Variants in GPC6 observed in about 807,000 individuals in gnomAD.
The protein encoded by GPC6 is glypican-6.
GPC6 carries 14 observed loss-of-function variants against 55.2 expected under a neutral mutation model. The ratio of observed to expected loss-of-function variants is 0.25; its 90% CI spans 0.17 to 0.40. The LOEUF is 0.40. GPC6 is among the 10% of genes least tolerant of loss of function. GPC6 has a pLI of 1.00. For missense variants in GPC6, 641 were observed against 708.5 expected, an observed-to-expected ratio of 0.90 and a Z score of 1.08; for synonymous variants, 278 against 259.6, an observed-to-expected ratio of 1.07 and a Z score of -0.68.
intron 1 of GPC6, among the ~76,000 whole-genome samples, chr13:93,391,307 A>G (rs1308113793): frequency 6.6e-6 from 1 of 152,138 alleles, no homozygotes; most frequent in Non-Finnish European, 1.5e-5. Context: ...TTTTTCAGGG[A>G]CGTAGTAGAG....
intron 3 of GPC6, among the ~76,000 whole-genome samples, chr13:93,916,772 A>T (rs1164012493): frequency 2.6e-5 from 4 of 151,882 alleles, no homozygotes; most frequent in African/African-American, 9.7e-5. Context: ...TTGAAGGATG[A>T]TAAAACTGCA....
chr13:94,105,945 A>C (rs1028607651), intron 4 of GPC6, among the ~76,000 whole-genome samples: 1 of 148,688 alleles, frequency 6.7e-6, no homozygotes, highest in African/African-American at 2.5e-5. Context: ...TTATCCAGCT[A>C]TCCTACATTG....
chr13:93,294,723 G>T (rs1393276227), intron 1 of GPC6, among the ~76,000 whole-genome samples: 1 of 152,068 alleles, frequency 6.6e-6, no homozygotes, highest in Non-Finnish European at 1.5e-5. Context: ...TCTATGTTTT[G>T]TCCTCTTTCA....
intron 4 of GPC6, among the ~76,000 whole-genome samples, chr13:94,165,492 G>A (rs1039612086): frequency 6.6e-6 from 1 of 151,756 alleles, no homozygotes; most frequent in Admixed American, 6.6e-5. Context: ...GGGACTCAGG[G>A]GAAATGGTGG....
chr13:93,716,035 C>T (rs1003020684), intron 2 of GPC6, among the ~76,000 whole-genome samples: 5 of 151,542 alleles, frequency 3.3e-5, no homozygotes, highest in African/African-American at 7.3e-5. Flanking sequence ...CGTATCCCCT[C>T]GTGACTCATA....
At chr13:93,224,588 C>T (rs1013594231), upstream of GPC6, among the ~76,000 whole-genome samples, 6 of 152,204 alleles carry the variant, frequency 3.9e-5, no homozygotes, top group African/African-American at 1.4e-4. Context: ...CATTAGCTGA[C>T]CTTTTTGTCT....
At chr13:94,011,491 T>G (rs1882243210) in intron 3 of GPC6, among the ~76,000 whole-genome samples, 1 of 152,008 alleles carries the variant, frequency 6.6e-6, no homozygotes, top group Admixed American at 6.6e-5. Context: ...CCCTCACCCA[T>G]CCCCAGAACT....
chr13:93,865,597 A>G lies in GPC6; in HGVS notation c.711+35052A>G, dbSNP rs537939278. Reference sequence around the variant, plus strand: ...AGCACAGAAACTGCTACCCTGTGTCATCCTTATTATGCAGCCAGCTTTGCA... The same window carrying G: ...AGCACAGAAACTGCTACCCTGTGTCGTCCTTATTATGCAGCCAGCTTTGCA... On this transcript the variant is annotated intron_variant, in intron 3 of 8. Transcript: ENST00000377047. 1.4e-3 allele frequency among the ~76,000 whole-genome samples: 214 copies of G among 151,810 alleles called. 1 individual carries two copies. Among genetic ancestry groups the G allele is most frequent in the Non-Finnish European group, 1.1e-3 (76 of 67,754 alleles).
intron 7 of GPC6, among the ~76,000 whole-genome samples, chr13:94,392,618 G>A (rs1214324485): frequency 6.6e-6 from 1 of 151,546 alleles, no homozygotes; most frequent in Non-Finnish European, 1.5e-5. Flanking sequence ...TAGTAGAGAT[G>A]GGGTTTCTCC....
intron 3 of GPC6, among the ~76,000 whole-genome samples, chr13:93,936,023 C>T (rs1234204833): frequency 6.6e-6 from 1 of 152,118 alleles, no homozygotes; most frequent in Non-Finnish European, 1.5e-5. Flanking sequence ...GATCAGACAA[C>T]AATGATACAC....
At chr13:93,340,243 C>G (rs909301743) in intron 1 of GPC6, among the ~76,000 whole-genome samples, 7 of 151,878 alleles carry the variant, frequency 4.6e-5, no homozygotes, top group African/African-American at 1.7e-4. Context: ...ACCGTGTTAG[C>G]CAGGTTGGTC....
intron 2 of GPC6, among the ~76,000 whole-genome samples, chr13:93,744,387 T>C (rs1286241293): frequency 6.6e-6 from 1 of 152,104 alleles, no homozygotes; most frequent in Non-Finnish European, 1.5e-5. Flanking sequence ...TCCATCCCCG[T>C]GCATTCCACT....
chr13:93,888,461 T>G (rs996430662), intron 3 of GPC6, among the ~76,000 whole-genome samples: 1 of 152,134 alleles, frequency 6.6e-6, no homozygotes, highest in African/African-American at 2.4e-5. Flanking sequence ...GTCACTTGTG[T>G]CCAGGAGATT....
At chr13:94,091,111 T>C (rs1378097823) in intron 4 of GPC6, among the ~76,000 whole-genome samples, 1 of 152,180 alleles carries the variant, frequency 6.6e-6, no homozygotes, top group African/African-American at 2.4e-5. Flanking sequence ...TTTGCAATGC[T>C]ATGAAATACT....
At chr13:94,083,449 A>C (rs1339087256) in intron 4 of GPC6, among the ~76,000 whole-genome samples, 3 of 152,050 alleles carry the variant, frequency 2.0e-5, no homozygotes, top group Non-Finnish European at 4.4e-5. Flanking sequence ...ACTTATCTCT[A>C]CTTTGCTATA....
At chr13:93,411,960 G>T (rs1018626498) in intron 1 of GPC6, among the ~76,000 whole-genome samples, 1 of 150,900 alleles carries the variant, frequency 6.6e-6, no homozygotes, top group African/African-American at 2.4e-5. Flanking sequence ...CCAAGATCAT[G>T]CCACTTTACT....
chr13:93,759,702 T>A (rs187109894), intron 2 of GPC6, among the ~76,000 whole-genome samples: 3 of 152,260 alleles, frequency 2.0e-5, no homozygotes, highest in African/African-American at 7.2e-5. Flanking sequence ...TTCCTCCTAT[T>A]AAACTAAGTG....
chr13:93,544,844 G>A (rs1594253199), intron 1 of GPC6, among the ~76,000 whole-genome samples: 1 of 152,116 alleles, frequency 6.6e-6, no homozygotes, highest in East Asian at 1.9e-4. Context: ...GAACCCAAGG[G>A]ACAGTTATCA....
At chr13:93,674,757 T>C (rs1293477530) in intron 2 of GPC6, among the ~76,000 whole-genome samples, 1 of 152,154 alleles carries the variant, frequency 6.6e-6, no homozygotes, top group Non-Finnish European at 1.5e-5. Context: ...ACTGCTGCCT[T>C]ATCAAGGTGT....
Sources: allele counts gnomAD v4.1 joint callset (sites outside exome capture counted in the v4.1 genomes callset), GRCh38; gene constraint gnomAD v4.1.1; transcripts MANE v1.5; gene names NCBI Gene and HGNC (gene_info 2026-07-23, HGNC 2026-07-21).